ACOXL: variants seen among roughly 807,000 people sequenced by gnomAD.
ACOXL encodes the protein acyl-CoA oxidase like.
Under a neutral mutation model 71.9 loss-of-function variants are expected in ACOXL, and 70 were observed. That is an observed-to-expected ratio of 0.97 (90% CI 0.80 to 1.19). The LOEUF (loss-of-function observed/expected upper bound fraction) is 1.19, where lower values mean the gene tolerates loss of function less well. Ranked by LOEUF, ACOXL falls within the 50% of genes most tolerant of loss-of-function variation. ACOXL has a pLI of 0.00. For missense variants in ACOXL, 703 were observed against 736.3 expected, an observed-to-expected ratio of 0.95 and a Z score of 0.52; for synonymous variants, 253 against 281.6, an observed-to-expected ratio of 0.90 and a Z score of 1.02.
chr2:110,811,769 A>G, intron 9 of ACOXL, among the ~76,000 whole-genome samples: 1 of 150,710 alleles, frequency 6.6e-6, no homozygotes, highest in East Asian at 2.0e-4. Context: ...ACACACACAC[A>G]CACACACACA....
At chr2:110,869,006 A>G (rs1694950186) in intron 10 of ACOXL, among the ~76,000 whole-genome samples, 1 of 151,522 alleles carries the variant, frequency 6.6e-6, no homozygotes, top group African/African-American at 2.4e-5. Context: ...GGCAGCTAAC[A>G]TTTCTTGGGT....
At chr2:111,093,452 A>G in intron 17 of ACOXL, 1 of 1,613,876 alleles carries the variant, frequency 6.2e-7, no homozygotes, top group Non-Finnish European at 8.5e-7. Context: ...CATACTCATC[A>G]GTAAAACACA....
chr2:111,014,165 G>C (rs933702374), intron 14 of ACOXL, among the ~76,000 whole-genome samples: 3 of 152,064 alleles, frequency 2.0e-5, no homozygotes, highest in Admixed American at 1.3e-4. Context: ...CCTAAAGACG[G>C]AACAAGGCAA....
rs1232962677 is a variant in ACOXL at position 110,842,915 on chromosome 2, C to T, written c.788+1510C>T. The stretch of plus-strand genomic sequence containing the variant: ...GTCCTATGAGTGCATGATGCATGCC[C>T]ACGACAAAAGTGTGGTGTCCTGCAG... On this transcript the variant is annotated intron_variant, in intron 10 of 17. Coordinates refer to ENST00000439055, the MANE Select transcript of ACOXL (RefSeq NM_001142807.4). Among the ~76,000 whole-genome samples, 3 of 152,122 alleles carry T rather than the reference C, an allele frequency of 2.0e-5. No individual in the cohort carries two copies. In the East Asian group the frequency reaches 5.8e-4, roughly 29 times the overall value.
intron 10 of ACOXL, among the ~76,000 whole-genome samples, chr2:110,867,919 C>T (rs567118639): frequency 7.2e-5 from 11 of 152,140 alleles, no homozygotes; most frequent in Admixed American, 2.6e-4. Flanking sequence ...CCCACCACCA[C>T]GCTCAGCTAA....
intron 15 of ACOXL, among the ~76,000 whole-genome samples, chr2:111,037,249 G>A (rs2065561492): frequency 6.6e-6 from 1 of 152,154 alleles, no homozygotes; most frequent in Non-Finnish European, 1.5e-5. Context: ...GCTGTTTTCT[G>A]AAGAAGTGCT....
chr2:111,041,297 A>G (rs553641334), intron 15 of ACOXL, among the ~76,000 whole-genome samples: 5 of 152,304 alleles, frequency 3.3e-5, no homozygotes, highest in Admixed American at 1.3e-4. Context: ...TGCAAGGTGG[A>G]AAACAGGATC....
At chr2:111,048,121 A>G (rs2066105334) in intron 15 of ACOXL, among the ~76,000 whole-genome samples, 1 of 152,228 alleles carries the variant, frequency 6.6e-6, no homozygotes, top group South Asian at 2.1e-4. Flanking sequence ...TTGGAATCAG[A>G]CTGTCCCTCA....
chr2:111,006,229 G>A (rs1186815598), intron 14 of ACOXL, among the ~76,000 whole-genome samples: 1 of 152,220 alleles, frequency 6.6e-6, no homozygotes, highest in Non-Finnish European at 1.5e-5. Context: ...AGGTCACCTC[G>A]TGTAAAAGTG....
intron 14 of ACOXL, among the ~76,000 whole-genome samples, chr2:111,005,304 T>G (rs990424603): frequency 4.6e-5 from 7 of 152,216 alleles, no homozygotes; most frequent in Admixed American, 3.9e-4. Context: ...ATGAACATCA[T>G]TAATGATCCT....
chr2:110,943,411 C>T (rs1574224233), intron 12 of ACOXL, among the ~76,000 whole-genome samples: 1 of 152,122 alleles, frequency 6.6e-6, no homozygotes, highest in South Asian at 2.1e-4. Context: ...GGACCCAAAT[C>T]CCATTAGGGG....
intron 15 of ACOXL, among the ~76,000 whole-genome samples, chr2:111,044,331 C>T (rs531085473): frequency 2.0e-5 from 3 of 152,190 alleles, no homozygotes; most frequent in South Asian, 2.1e-4. Context: ...AGCAACACAT[C>T]GCAGAAAAGA....
intron 16 of ACOXL, among the ~76,000 whole-genome samples, chr2:111,084,056 A>G (rs34706752): frequency 0.085 from 12,931 of 152,074 alleles, 649 homozygotes; most frequent in Non-Finnish European, 0.11. Flanking sequence ...GCCAGGAGTG[A>G]TGGCTCATAC....
intron 2 of ACOXL, among the ~76,000 whole-genome samples, chr2:110,775,354 T>A (rs1448974881): frequency 6.6e-6 from 1 of 152,146 alleles, no homozygotes; most frequent in Non-Finnish European, 1.5e-5. Context: ...AAAACAATTT[T>A]AAAAAGCATT....
intron 11 of ACOXL, among the ~76,000 whole-genome samples, chr2:110,912,297 C>A (rs1271923876): frequency 1.3e-5 from 2 of 151,964 alleles, no homozygotes; most frequent in Non-Finnish European, 2.9e-5. Context: ...TATAAAGGAA[C>A]CAGTATAGCC....
chr2:111,032,211 G>T (rs1343845644), intron 15 of ACOXL, among the ~76,000 whole-genome samples: 1 of 152,160 alleles, frequency 6.6e-6, no homozygotes, highest in Non-Finnish European at 1.5e-5. Flanking sequence ...TCAACCAGGG[G>T]CAATTTTGCA....
At chr2:110,996,975 T>TCTC (rs1232840282) in intron 14 of ACOXL, among the ~76,000 whole-genome samples, 1 of 152,134 alleles carries the variant, frequency 6.6e-6, no homozygotes, top group African/African-American at 2.4e-5. Flanking sequence ...CAGGCGTAGA[T>TCTC]CTGAGGTGAG....
intron 10 of ACOXL, among the ~76,000 whole-genome samples, chr2:110,850,232 A>G (rs1692434390): frequency 6.6e-6 from 1 of 152,232 alleles, no homozygotes; most frequent in African/African-American, 2.4e-5. Flanking sequence ...AGAAAGTATG[A>G]ACTGTCAAGG....
intron 14 of ACOXL, among the ~76,000 whole-genome samples, chr2:111,005,247 A>G (rs966901668): frequency 1.3e-5 from 2 of 152,204 alleles, no homozygotes; most frequent in African/African-American, 4.8e-5. Flanking sequence ...GTTGCCCTCC[A>G]TCACACTGCC....
Sources: allele counts gnomAD v4.1 joint callset (sites outside exome capture counted in the v4.1 genomes callset), GRCh38; gene constraint gnomAD v4.1.1; transcripts MANE v1.5; gene names NCBI Gene and HGNC (gene_info 2026-07-23, HGNC 2026-07-21).